The following CSNK1G1 variants were observed in gnomAD, a reference collection of about 807,000 sequenced individuals.
CSNK1G1 encodes the protein casein kinase I isoform gamma-1.
A neutral mutation model predicts 59.6 loss-of-function variants in CSNK1G1; 22 were observed. That is an observed-to-expected ratio of 0.37 (90% CI 0.26 to 0.53). The LOEUF is 0.53. Ranked by LOEUF, CSNK1G1 falls within the 20% of genes least tolerant of loss-of-function variation. CSNK1G1 has a pLI of 0.89. For missense variants in CSNK1G1, 384 were observed against 519.5 expected (o/e 0.74, Z 2.54); for synonymous variants, 179 against 177.1 (o/e 1.01, Z -0.08).
At chr15:64,279,186 AT>A (rs1893986305) in intron 2 of CSNK1G1, among the ~76,000 whole-genome samples, 1 of 151,868 alleles carries the variant, frequency 6.6e-6, no homozygotes, top group Non-Finnish European at 1.5e-5. Flanking sequence ...AGCTCGGTGA[AT>A]TTTTATATAT....
At chr15:64,354,826 G>GT (rs1898551795) in intron 1 of CSNK1G1, among the ~76,000 whole-genome samples, 1 of 152,104 alleles carries the variant, frequency 6.6e-6, no homozygotes, top group Admixed American at 6.5e-5. Context: ...CTTGCCCAAG[G>GT]TCAGTAACTA....
intron 2 of CSNK1G1, among the ~76,000 whole-genome samples, chr15:64,274,491 C>G (rs1013374723): frequency 3.3e-5 from 5 of 152,174 alleles, no homozygotes; most frequent in African/African-American, 1.2e-4. Context: ...CATTGATGAG[C>G]TGGCACAATC....
chr15:64,246,609 C>A (rs1234291637), intron 4 of CSNK1G1, among the ~76,000 whole-genome samples: 2 of 120,868 alleles, frequency 1.7e-5, no homozygotes, highest in African/African-American at 3.3e-5. Context: ...AGAATCAGAG[C>A]AAGAGTCCGT....
intron 9 of CSNK1G1, 127 bp downstream of exon 9, chr15:64,204,314 T>G (rs1178095752): frequency 3.8e-6 from 3 of 784,328 alleles, no homozygotes; most frequent in Admixed American, 3.1e-5. Flanking sequence ...AAATATACAG[T>G]CTACGATCAA....
At chr15:64,230,008 A>G (rs2082525196) in intron 4 of CSNK1G1, among the ~76,000 whole-genome samples, 1 of 128,914 alleles carries the variant, frequency 7.8e-6, no homozygotes, top group Admixed American at 1.0e-4. Context: ...TGTAACTTCC[A>G]CCTCCCGGGT....
intron 4 of CSNK1G1, among the ~76,000 whole-genome samples, chr15:64,246,512 A>T (rs1203269606): frequency 6.6e-6 from 1 of 151,562 alleles, no homozygotes; most frequent in Admixed American, 6.6e-5. Flanking sequence ...AGTCCCAGCT[A>T]CTTGGGAGGC....
chr15:64,305,677 C>T (rs1319578991), intron 1 of CSNK1G1, among the ~76,000 whole-genome samples: 1 of 148,062 alleles, frequency 6.8e-6, no homozygotes, highest in African/African-American at 2.5e-5. Context: ...TATGATAGTG[C>T]CAGTATGACC....
rs2082283875 is a variant in CSNK1G1 at position 64,214,283 on chromosome 15, A to C, written c.445-159T>G. 1 of 619,510 alleles carries C rather than the reference A, an allele frequency of 1.6e-6. No homozygotes were observed. The highest frequency in any genetic ancestry group is 1.8e-5 in the African/African-American group (1 of 54,148). The allele number at this position is 619,510 out of a possible 1,614,324, so 38.4% of individuals were successfully genotyped here. A position where few individuals can be genotyped will look rare whatever the true frequency, so the allele number is the denominator to read the frequency against. ...GTCACTTCACTGACTTGTAAACAAA[A>C]AAATATTTTGCTATAAATACGTACA... On this transcript the variant is annotated intron_variant, in intron 5 of 11. Coordinates refer to ENST00000303052, the MANE Select transcript of CSNK1G1 (RefSeq NM_022048.5). This position sits in a 1 kb window ranked among gnomAD's most constrained non-coding sequence, Gnocchi z 4.3.
chr15:64,279,599 A>G (rs914677053), intron 2 of CSNK1G1, among the ~76,000 whole-genome samples: 12 of 151,664 alleles, frequency 7.9e-5, no homozygotes, highest in African/African-American at 2.9e-4. Flanking sequence ...ATTATTAAAT[A>G]TGTTTCTTGG....
At position 64,261,063 on chromosome 15, in the gene CSNK1G1, G is replaced by A. The variant is rs556955591; in HGVS notation, c.182-1822C>T. Among the ~76,000 whole-genome samples, 5 of 152,060 alleles carry A rather than the reference G, an allele frequency of 3.3e-5. No individual in the cohort carries two copies. In the South Asian group the frequency reaches 1.0e-3, roughly 32 times the overall value. ...ATAGTGTTTGCATTAACCTTCTAAA[G>A]GTTACTTTATGTTTCTTATTAATGT... On this transcript the variant is annotated intron_variant, in intron 2 of 11. Transcript: ENST00000303052.
At chr15:64,265,370 A>G (rs1176431156) in intron 2 of CSNK1G1, among the ~76,000 whole-genome samples, 2 of 152,178 alleles carry the variant, frequency 1.3e-5, no homozygotes, top group Non-Finnish European at 2.9e-5. Flanking sequence ...GAGGTAACTG[A>G]ATCATGGGGT....
intron 4 of CSNK1G1, among the ~76,000 whole-genome samples, chr15:64,234,696 C>G (rs1596136146): frequency 6.6e-6 from 1 of 152,164 alleles, no homozygotes; most frequent in South Asian, 2.1e-4. Flanking sequence ...GAAAGAAAAG[C>G]ATGGTCTGTA....
rs188502810 is a variant in CSNK1G1, at chr15:64,214,167, T to G, written c.445-43A>C. On this transcript the variant is annotated intron_variant, in intron 5 of 11. Transcript: ENST00000303052. The surrounding 1 kb of genome is among the most constrained non-coding windows in gnomAD (Gnocchi z 4.3). ...GATAGAAAGACTGTAAAGAAGTATATCAGGAAAATACATCAAAACAGTTTC... is the reference window on the plus strand; with the variant it reads ...GATAGAAAGACTGTAAAGAAGTATAGCAGGAAAATACATCAAAACAGTTTC... 1 of 1,382,784 alleles carries G rather than the reference T, an allele frequency of 7.2e-7. No homozygotes were observed. The highest frequency in any genetic ancestry group is 1.4e-5 in the African/African-American group (1 of 70,072). 85.7% of individuals were successfully genotyped at this position (1,382,784 alleles called of 1,614,324 possible). A position where few individuals can be genotyped will look rare whatever the true frequency, so the allele number is the denominator to read the frequency against.
At chr15:64,319,096 G>A (rs1039388581) in intron 1 of CSNK1G1, among the ~76,000 whole-genome samples, 179 of 150,098 alleles carry the variant, frequency 1.2e-3, no homozygotes, top group African/African-American at 4.3e-3. Flanking sequence ...AAAGTGATCC[G>A]CCTGCCTCAG....
intron 4 of CSNK1G1, among the ~76,000 whole-genome samples, chr15:64,227,253 G>A (rs952450303): frequency 2.6e-5 from 4 of 152,108 alleles, no homozygotes; most frequent in African/African-American, 4.8e-5. Context: ...TACATTTCAT[G>A]GGAATACTTT....
At chr15:64,225,029 GAC>G (rs2140281402) in intron 4 of CSNK1G1, among the ~76,000 whole-genome samples, 1 of 135,272 alleles carries the variant, frequency 7.4e-6, no homozygotes, top group African/African-American at 3.0e-5. Flanking sequence ...TTTTTTTGGA[GAC>G]AGAGTCTTGC....
intron 10 of CSNK1G1, among the ~76,000 whole-genome samples, chr15:64,202,700 G>T (rs1359489913): frequency 2.6e-5 from 4 of 152,026 alleles, no homozygotes; most frequent in Non-Finnish European, 5.9e-5. Flanking sequence ...CTATAGGCAC[G>T]TGCCACCATG....
At chr15:64,254,326 A>G (rs951028711) in intron 3 of CSNK1G1, among the ~76,000 whole-genome samples, 6 of 151,634 alleles carry the variant, frequency 4.0e-5, no homozygotes, top group African/African-American at 1.5e-4. Flanking sequence ...GTTGTACACC[A>G]ATGTAAATGT....
chr15:64,176,795 TAG>T lies in CSNK1G1; in HGVS notation c.1214+3551_1214+3552del, dbSNP rs1023445384. On this transcript the variant is annotated intron_variant, in intron 11 of 11. Transcript: ENST00000303052. This position sits in a 1 kb window ranked among gnomAD's most constrained non-coding sequence, Gnocchi z 5.2. ...AGCAGCTAGCAGTTAGCTCTTCCTC[TAG>T]AGAGGGAGAAAAGGTTTAAGCGACA... is the stretch of plus-strand genomic sequence containing the variant. Among the ~76,000 whole-genome samples the T allele has an allele frequency of 2.0e-5, 3 of 152,194 alleles. No individual in the cohort carries two copies. Among genetic ancestry groups the T allele is most frequent in the Non-Finnish European group, 2.9e-5 (2 of 68,030 alleles).
Sources: gnomAD v4.1 joint callset for allele counts (sites outside exome capture counted in the v4.1 genomes callset) on GRCh38, gnomAD v4.1.1 for gene constraint, Gnocchi (gnomAD v3.1) non-coding constraint, MANE v1.5 for transcripts, NCBI Gene and HGNC (gene_info 2026-07-23, HGNC 2026-07-21) for gene names.